The following MAP4K5 variants were observed in gnomAD, a reference collection of about 807,000 sequenced individuals.
MAP4K5 encodes mitogen-activated protein kinase kinase kinase kinase 5.
A neutral mutation model predicts 135.6 loss-of-function variants in MAP4K5; 82 were observed. The observed-to-expected ratio is 0.60, with a 90% CI of 0.51 to 0.73. The LOEUF is 0.73. MAP4K5 is among the 30% of genes least tolerant of loss of function. The probability of loss-of-function intolerance (pLI) is 0.00; values close to 1 mark genes in which losing one functional copy is unlikely to be tolerated. For synonymous variants in MAP4K5, 347 were observed against 335.0 expected (o/e 1.04, Z -0.39); for missense variants, 907 against 1,010.9 (o/e 0.90, Z 1.39).
intron 6 of MAP4K5, among the ~76,000 whole-genome samples, chr14:50,482,067 G>T (rs6572671): frequency 0.98 from 149,159 of 152,330 alleles, 73,093 homozygotes; most frequent in East Asian, 1. Context: ...TGCTATAAAG[G>T]AGAATACCTC....
chr14:50,445,658 C>T (rs71420183), intron 17 of MAP4K5, among the ~76,000 whole-genome samples: 1 of 152,196 alleles, frequency 6.6e-6, no homozygotes, highest in East Asian at 1.9e-4. Flanking sequence ...CAACCTCCAC[C>T]TCCTGGGTTC....
At position 50,486,162 on chromosome 14, in the gene MAP4K5, A is replaced by G; in HGVS notation, c.199T>C (p.Phe67Leu). The G allele has an allele frequency of 1.4e-6, 2 of 1,406,304 alleles. No individual in the cohort carries two copies. Among genetic ancestry groups the G allele is most frequent in the South Asian group, 1.3e-5 (1 of 75,446 alleles). The allele number at this position is 1,406,304 out of a possible 1,614,324, so 87.1% of individuals were successfully genotyped here. ...DDFSLIQQEI[F>L]MVKECKHCNI... The stretch of plus-strand genomic sequence containing the variant: ...CAATGTTTACATTCTTTAACCATAA[A>G]TATTTCTTGTTGAATCAAAGAAAAA... The change falls in exon 4 of 33, where the codon TTT becomes CTT. Residue 67 changes from phenylalanine (F) to leucine (L), a missense_variant. Around this residue, in one of 3 missense-constraint regions of MAP4K5, gnomAD observed 196 missense variants for 189.3 expected, o/e 1.04. Transcript: ENST00000682126.
intron 1 of MAP4K5, chr14:50,559,547 A>G (rs556109114): frequency 1.2e-3 from 181 of 152,374 alleles, no homozygotes; most frequent in South Asian, 4.6e-3. Flanking sequence ...ATAGGTCTGG[A>G]CCTTATCTTT....
At chr14:50,526,587 C>T (rs754390751) in intron 2 of MAP4K5, among the ~76,000 whole-genome samples, 37 of 152,320 alleles carry the variant, frequency 2.4e-4, no homozygotes, top group Non-Finnish European at 4.1e-4. Context: ...TGAGCCACTG[C>T]GCCTGGCCAC....
chr14:50,445,306 G>A, intron 17 of MAP4K5, 112 bp from the exon 18 acceptor site: 1 of 858,090 alleles, frequency 1.2e-6, no homozygotes, highest in Non-Finnish European at 1.7e-6. Flanking sequence ...AATTCACTGG[G>A]CTAAGTGAGC....
chr14:50,505,310 A>G (rs2037787935), intron 2 of MAP4K5, among the ~76,000 whole-genome samples: 1 of 152,136 alleles, frequency 6.6e-6, no homozygotes, highest in South Asian at 2.1e-4. Flanking sequence ...CATGTGCATT[A>G]TGGAAGAAGA....
rs544022148 is a variant in MAP4K5, at chr14:50,427,803, G to A, written c.2326+859C>T. Among the ~76,000 whole-genome samples, 3 of 152,244 alleles carry A rather than the reference G, an allele frequency of 2.0e-5. No homozygotes were observed. The South Asian group carries it at 6.2e-4, about 32-fold the overall frequency. ...AGTATTAGAGAGTAAAACATTCGTT[G>A]ACAAGGAAGCAAATTAAATGGCATA... On this transcript the variant is annotated intron_variant, in intron 30 of 32. Coordinates refer to ENST00000682126, the MANE Select transcript of MAP4K5 (RefSeq NM_006575.6).
chr14:50,463,881 AC>A (rs2036768001), intron 12 of MAP4K5, among the ~76,000 whole-genome samples, 170 bp downstream of exon 12: 1 of 98,710 alleles, frequency 1.0e-5, no homozygotes, highest in South Asian at 3.7e-4. Flanking sequence ...ACAGAGTGAG[AC>A]CCTGTTTCCA....
Position 50,468,744 on chromosome 14 carries a change from C to T in MAP4K5, c.581G>A (p.Gly194Asp). 1.2e-6 allele frequency: 2 copies of T among 1,611,918 alleles called. No homozygotes were observed. Among genetic ancestry groups the T allele is most frequent in the Non-Finnish European group, 1.7e-6 (2 of 1,178,840 alleles). ...PEVAAVEKNG[G>D]YNQLCDIWAV... ...CCAGATATCACAGAGTTGGTTGTAG[C>T]CACCATTCTTCTCTACTGCTGCAAC... The change falls in exon 10 of 33, where the codon GGC (glycine) becomes GAC (aspartate). Residue 194 changes from glycine to aspartate, a missense_variant. By Grantham distance (94) the Gly-to-Asp change is moderately conservative (BLOSUM62 -1). Around this residue, in one of 3 missense-constraint regions of MAP4K5, gnomAD observed 690 missense variants for 777.4 expected, o/e 0.89. Transcript: ENST00000682126.
rs568120593 is a variant in MAP4K5, at chr14:50,547,438, A to G, written c.-179-4854T>C. Among the ~76,000 whole-genome samples, 10 of 152,332 alleles carry G rather than the reference A, an allele frequency of 6.6e-5. No homozygotes were observed. In the South Asian group the frequency reaches 2.1e-3, roughly 32 times the overall value. ...GTGGACCTCTGTGAGCTGAATAAAA[A>G]CAAGGACGGAGTCTGAAAATAAATC... On this transcript the variant is annotated intron_variant, in intron 1 of 8. Coordinates refer to the MAP4K5 transcript ENST00000555216.
intron 30 of MAP4K5, among the ~76,000 whole-genome samples, chr14:50,426,672 C>T (rs1450744502): frequency 2.6e-5 from 4 of 152,126 alleles, no homozygotes; most frequent in Non-Finnish European, 1.5e-5. Context: ...TGCAGTGAGC[C>T]GAGATCACGT....
intron 22 of MAP4K5, 88 bp from the exon 23 acceptor site, chr14:50,440,161 T>C: frequency 1.0e-6 from 1 of 974,550 alleles, no homozygotes; most frequent in Non-Finnish European, 1.5e-6. Context: ...TAAAAATAAC[T>C]ATTTTCTAAC....
intron 32 of MAP4K5, among the ~76,000 whole-genome samples, chr14:50,420,614 AGAGT>A (rs1425921427): frequency 6.6e-6 from 1 of 152,192 alleles, no homozygotes; most frequent in Non-Finnish European, 1.5e-5. Flanking sequence ...CCTGGGTGAG[AGAGT>A]GAGACCCCTT....
At chr14:50,525,121 T>G (rs1055014413) in intron 2 of MAP4K5, among the ~76,000 whole-genome samples, 3 of 152,128 alleles carry the variant, frequency 2.0e-5, no homozygotes, top group African/African-American at 7.2e-5. Context: ...CCCCATAAAG[T>G]GATGATGACT....
chr14:50,505,418 T>C (rs2037789959), intron 2 of MAP4K5, among the ~76,000 whole-genome samples: 1 of 152,158 alleles, frequency 6.6e-6, no homozygotes, highest in South Asian at 2.1e-4. Context: ...GTTGGGCATT[T>C]ACAATTTTAA....
At chr14:50,470,104 T>A (rs575839077) in intron 9 of MAP4K5, among the ~76,000 whole-genome samples, 1 of 152,164 alleles carries the variant, frequency 6.6e-6, no homozygotes, top group African/African-American at 2.4e-5. Flanking sequence ...GAGGCTGAGG[T>A]GGAGCCCAGA....
chr14:50,434,774 G>T (rs1423937003), intron 27 of MAP4K5, among the ~76,000 whole-genome samples, 188 bp downstream of exon 27: 1 of 152,098 alleles, frequency 6.6e-6, no homozygotes. Context: ...ATGACTGATG[G>T]TTCTGGAAGT....
chr14:50,559,171 A>G (rs1372913159), intron 1 of MAP4K5: 1 of 152,296 alleles, frequency 6.6e-6, no homozygotes. Flanking sequence ...GAGAGAGTGT[A>G]GCGTGAGGAG....
chr14:50,485,530 T>C (rs1389377077), intron 5 of MAP4K5, 48 bp downstream of exon 5: 2 of 1,193,668 alleles, frequency 1.7e-6, no homozygotes, highest in South Asian at 1.4e-5. Context: ...CGAACAACAA[T>C]CATTAAAACC....
Sources: allele counts gnomAD v4.1 joint callset (sites outside exome capture counted in the v4.1 genomes callset), GRCh38; gene constraint gnomAD v4.1.1; regional missense constraint gnomAD v4.1.1; transcripts MANE v1.5; gene names NCBI Gene and HGNC (gene_info 2026-07-23, HGNC 2026-07-21).